Variants in PRR5 observed in about 807,000 individuals in gnomAD.
The protein encoded by PRR5 is proline rich 5.
A neutral mutation model predicts 30.6 loss-of-function variants in PRR5; 25 were observed. The observed-to-expected ratio is 0.82, with a 90% confidence interval of 0.60 to 1.14. The LOEUF (loss-of-function observed/expected upper bound fraction) is 1.14, where lower values mean the gene tolerates loss of function less well. Ranked by LOEUF, PRR5 falls within the 50% of genes most tolerant of loss-of-function variation. The pLI is 0.00. For synonymous variants in PRR5, 286 were observed against 247.1 expected, an observed-to-expected ratio of 1.16 and a Z score of -1.48; for missense variants, 600 against 547.1, an observed-to-expected ratio of 1.10 and a Z score of -0.96.
At chr22:44,680,545 C>T (rs1165563342) in intron 1 of PRR5, among the ~76,000 whole-genome samples, 1 of 152,174 alleles carries the variant, frequency 6.6e-6, no homozygotes, top group Non-Finnish European at 1.5e-5. Context: ...GCAGCGCTGC[C>T]TCCATGGAGG....
At chr22:44,685,749 A>G (rs1381372644) in intron 1 of PRR5, among the ~76,000 whole-genome samples, 1 of 152,276 alleles carries the variant, frequency 6.6e-6, no homozygotes, top group Non-Finnish European at 1.5e-5. Context: ...GGAGTTGCTC[A>G]GAACTTCTAC....
At chr22:44,708,148 C>T (rs753166617) in intron 1 of PRR5, among the ~76,000 whole-genome samples, 4 of 151,884 alleles carry the variant, frequency 2.6e-5, no homozygotes, top group Non-Finnish European at 2.9e-5. Flanking sequence ...TGCAGTGAGC[C>T]GAGAACACGC....
At chr22:44,672,798 C>T (rs897031826), upstream of PRR5, among the ~76,000 whole-genome samples, 7 of 152,176 alleles carry the variant, frequency 4.6e-5, no homozygotes, top group East Asian at 9.7e-4. Flanking sequence ...AGCCAGCCCA[C>T]GAGGTGGGCG....
chr22:44,730,304 C>T (rs1199845431), intron 4 of PRR5: 4 of 985,154 alleles, frequency 4.1e-6, no homozygotes, highest in East Asian at 1.1e-4. Context: ...CACTCAGAGG[C>T]GCCCACACCA....
chr22:44,697,938 G>T (rs1007226577), upstream of PRR5, among the ~76,000 whole-genome samples: 3 of 152,198 alleles, frequency 2.0e-5, no homozygotes, highest in African/African-American at 7.2e-5. Context: ...CCCTTCAGGG[G>T]TATGCTGTCT....
upstream of PRR5, among the ~76,000 whole-genome samples, chr22:44,676,141 T>C (rs1011180412): frequency 8.6e-5 from 13 of 151,480 alleles, no homozygotes; most frequent in Non-Finnish European, 1.8e-4. Flanking sequence ...CCCAGCACTT[T>C]AGGAGGTCAA....
At chr22:44,729,182 C>T in intron 4 of PRR5, 6 of 553,858 alleles carry the variant, frequency 1.1e-5, no homozygotes, top group Non-Finnish European at 1.4e-5. Context: ...TGCCTCCATG[C>T]CTGTGCCTCG....
At chr22:44,684,501 C>A (rs535720281) in intron 1 of PRR5, among the ~76,000 whole-genome samples, 1 of 152,170 alleles carries the variant, frequency 6.6e-6, no homozygotes, top group Non-Finnish European at 1.5e-5. Context: ...GAGCCGAGAT[C>A]GCGCCATTGT....
At chr22:44,688,896 G>GCTGAAGCAGC (rs1453025871) in intron 1 of PRR5, among the ~76,000 whole-genome samples, 3 of 152,154 alleles carry the variant, frequency 2.0e-5, no homozygotes, top group Non-Finnish European at 4.4e-5. Context: ...GCTGAAGCAG[G>GCTGAAGCAGC]AGACTGGCTT....
At chr22:44,701,955 G>A (rs1021675725), upstream of PRR5, among the ~76,000 whole-genome samples, 3 of 152,102 alleles carry the variant, frequency 2.0e-5, no homozygotes, top group African/African-American at 2.4e-5. Context: ...TGGGCCCTGC[G>A]TCCTGTGCGT....
At chr22:44,710,541 G>C (rs1221189498) in intron 1 of PRR5, among the ~76,000 whole-genome samples, 1 of 152,192 alleles carries the variant, frequency 6.6e-6, no homozygotes, top group African/African-American at 2.4e-5. Context: ...GGGGCAGCTG[G>C]GGTTTCGTTT....
intron 2 of PRR5, among the ~76,000 whole-genome samples, chr22:44,718,106 G>A (rs1387637748): frequency 6.6e-6 from 1 of 151,584 alleles, no homozygotes; most frequent in Non-Finnish European, 1.5e-5. Flanking sequence ...ATGGACGTGG[G>A]TTCTTTCTAC....
Position 44,690,888 on chromosome 22 carries a change from G to A in PRR5, c.-10-11604G>A, listed in dbSNP as rs564759161. ...GGCCTGGCAGGGCGTGGCGGGAGAC[G>A]AAGCAGAATTGGAAGGAGTGGAAGA... On this transcript the variant is annotated intron_variant, in intron 1 of 8. Coordinates refer to the PRR5 transcript ENST00000006251. Among the ~76,000 whole-genome samples, 9 of 152,248 alleles carry A rather than the reference G, an allele frequency of 5.9e-5. No homozygotes were observed. In the East Asian group the frequency reaches 7.8e-4, roughly 13 times the overall value.
Position 44,702,626 on chromosome 22 carries a change from C to G in PRR5, c.134+18C>G, listed in dbSNP as rs1202044099. The G allele has an allele frequency of 5.5e-6, 7 of 1,276,874 alleles. No individual in the cohort carries two copies. Among genetic ancestry groups the G allele is most frequent in the African/African-American group, 4.7e-5 (3 of 64,322 alleles). 79.1% of individuals were successfully genotyped at this position (1,276,874 alleles called of 1,614,324 possible). On this transcript the variant is annotated intron_variant, in intron 1 of 7. Transcript: ENST00000336985. ...TGGAACAGGTAAGGCCGCGCCCTCC[C>G]GGCCACCCGGAGGCCCTGGAGCCGG...
At chr22:44,697,142 C>T (rs972856661) in intron 1 of PRR5, among the ~76,000 whole-genome samples, 1 of 152,176 alleles carries the variant, frequency 6.6e-6, no homozygotes, top group Non-Finnish European at 1.5e-5. Context: ...CCCACACAGC[C>T]TCAGTTTCCC....
chr22:44,736,682 C>T (rs1169215022), intron 7 of PRR5, 90 bp from the exon 8 acceptor site: 7 of 1,486,102 alleles, frequency 4.7e-6, no homozygotes, highest in South Asian at 1.4e-5. Flanking sequence ...TGCCCCTGCA[C>T]AGGGACCCAG....
intron 1 of PRR5, among the ~76,000 whole-genome samples, chr22:44,712,570 C>T (rs1928424897): frequency 6.6e-6 from 1 of 152,226 alleles, no homozygotes; most frequent in Admixed American, 6.5e-5. Flanking sequence ...GCTCTGTGAC[C>T]TCCAGCAGAG....
chr22:44,725,316 G>A (rs1487420042), intron 3 of PRR5, 24 bp downstream of exon 3: 1 of 1,611,910 alleles, frequency 6.2e-7, no homozygotes, highest in South Asian at 1.1e-5. Flanking sequence ...GCTCCAGCCA[G>A]GCTGGGCCTG....
At chr22:44,696,887 C>T (rs1180340078) in intron 1 of PRR5, among the ~76,000 whole-genome samples, 1 of 152,096 alleles carries the variant, frequency 6.6e-6, no homozygotes, top group African/African-American at 2.4e-5. Context: ...CAGGTGTGCA[C>T]CACCATATCC....
Sources: allele counts gnomAD v4.1 joint callset (sites outside exome capture counted in the v4.1 genomes callset), GRCh38; gene constraint gnomAD v4.1.1; transcripts MANE v1.5; gene names NCBI Gene and HGNC (gene_info 2026-07-23, HGNC 2026-07-21).